The following EFCAB11 variants were observed in gnomAD, a reference collection of about 807,000 sequenced individuals.
The protein encoded by EFCAB11 is EF-hand calcium binding domain 11.
In EFCAB11, 14 loss-of-function variants were observed where a neutral mutation model predicts 23.0. The ratio of observed to expected loss-of-function variants is 0.61; its 90% CI spans 0.40 to 0.95. The LOEUF (loss-of-function observed/expected upper bound fraction) is 0.95. Ranked by LOEUF, EFCAB11 falls within the 40% of genes least tolerant of loss-of-function variation. The probability of loss-of-function intolerance (pLI) is 0.00; values close to 1 mark genes in which losing one functional copy is unlikely to be tolerated. For missense variants in EFCAB11, 198 were observed against 195.8 expected (o/e 1.01, Z -0.07); for synonymous variants, 65 against 66.6 (o/e 0.98, Z 0.11).
At chr14:89,806,535 CT>C (rs1337812436) in intron 5 of EFCAB11, among the ~76,000 whole-genome samples, 2 of 152,174 alleles carry the variant, frequency 1.3e-5, no homozygotes, top group Admixed American at 1.3e-4. Context: ...AAGTGAACAT[CT>C]TTGAACTAAT....
rs180730804 is a variant in EFCAB11 at position 89,917,835 on chromosome 14, A to G, written c.410+13706T>C. ...ACTCTCAGCTTTAACTGTAAAATGG[A>G]TAGAAATGCCGTTGATGTGGAGAGT... On this transcript the variant is annotated intron_variant, in intron 5 of 5. Transcript: ENST00000316738. 5.3e-5 allele frequency among the ~76,000 whole-genome samples: 8 copies of G among 152,372 alleles called. No individual in the cohort carries two copies. The East Asian group carries it at 1.5e-3, about 29-fold the overall frequency.
chr14:89,916,327 G>A (rs183857054), intron 5 of EFCAB11, among the ~76,000 whole-genome samples: 1 of 152,306 alleles, frequency 6.6e-6, no homozygotes, highest in East Asian at 1.9e-4. Context: ...CAATGTGAAA[G>A]AGACAGAAAA....
rs775604775 is a variant in EFCAB11, at chr14:89,931,562, C to G, written c.389G>C (p.Arg130Thr). 1 of 1,614,078 alleles carries G rather than the reference C, an allele frequency of 6.2e-7. No individual in the cohort carries two copies. The highest frequency in any genetic ancestry group is 1.7e-5 in the Admixed American group (1 of 60,018). The part of the protein sequence containing the change: ...FRQVAPKLPE[R>T]TVLEVFREVD... Reference sequence around the variant, plus strand: ...TTACCTGAATACCTCAAGAACAGTCCTTTCCGGTAATTTGGGAGCCACCTG... The same window carrying G: ...TTACCTGAATACCTCAAGAACAGTCGTTTCCGGTAATTTGGGAGCCACCTG... The change falls in exon 5 of 6, where the codon AGG becomes ACG. Residue 130 changes from arginine (R) to threonine (T), a missense_variant. Coordinates refer to ENST00000316738, the MANE Select transcript of EFCAB11 (RefSeq NM_145231.4).
chr14:89,813,606 A>G (rs996915088), intron 5 of EFCAB11, among the ~76,000 whole-genome samples: 2 of 152,022 alleles, frequency 1.3e-5, no homozygotes, highest in African/African-American at 4.8e-5. Context: ...TTGTTACTTC[A>G]GCCAGATCTC....
intron 5 of EFCAB11, among the ~76,000 whole-genome samples, chr14:89,893,660 G>T (rs1889058529): frequency 6.6e-6 from 1 of 151,846 alleles, no homozygotes; most frequent in African/African-American, 2.4e-5. Context: ...CTTCATTGAG[G>T]ACACTGTTGT....
rs1274710442 is a variant in EFCAB11 at position 89,954,414 on chromosome 14, C to T, written c.75+172G>A. Reference sequence around the variant, plus strand: ...ACTTGGAGGTAGCCGTAGTCCTGGACGGGGAGCCAGGAGCCCTGCAGCTCC... The same window carrying T: ...ACTTGGAGGTAGCCGTAGTCCTGGATGGGGAGCCAGGAGCCCTGCAGCTCC... On this transcript the variant is annotated intron_variant, in intron 1 of 5. Coordinates refer to ENST00000316738, the MANE Select transcript of EFCAB11 (RefSeq NM_145231.4). 8 of 1,536,492 alleles carry T rather than the reference C, an allele frequency of 5.2e-6. No homozygotes were observed. In the East Asian group the frequency reaches 1.7e-4, roughly 33 times the overall value.
intron 3 of EFCAB11, among the ~76,000 whole-genome samples, chr14:89,943,724 T>C (rs992422664): frequency 1.3e-5 from 2 of 152,218 alleles, no homozygotes; most frequent in Admixed American, 1.3e-4. Context: ...ACAATTCTAA[T>C]AGAAAAATTG....
intron 3 of EFCAB11, among the ~76,000 whole-genome samples, chr14:89,934,620 C>T (rs186203019): frequency 3.3e-5 from 5 of 151,550 alleles, no homozygotes; most frequent in East Asian, 3.9e-4. Flanking sequence ...CTCAATCATA[C>T]GTACTGTAGC....
chr14:89,818,299 G>A (rs1886396652), intron 5 of EFCAB11, among the ~76,000 whole-genome samples: 1 of 152,136 alleles, frequency 6.6e-6, no homozygotes, highest in African/African-American at 2.4e-5. Context: ...AAAATAGCAA[G>A]TAAAGACAAG....
At chr14:89,858,656 ATT>A (rs10648464) in intron 5 of EFCAB11, among the ~76,000 whole-genome samples, 12 of 89,008 alleles carry the variant, frequency 1.3e-4, no homozygotes, top group African/African-American at 4.8e-4. Flanking sequence ...CACCCAGCTA[ATT>A]TTTTTTTTTT....
chr14:89,880,604 T>C (rs1284396703), intron 5 of EFCAB11, among the ~76,000 whole-genome samples: 1 of 151,970 alleles, frequency 6.6e-6, no homozygotes, highest in African/African-American at 2.4e-5. Context: ...AGTTGAAAAA[T>C]AATGAAATCG....
chr14:89,869,757 T>G (rs954662180), intron 5 of EFCAB11, among the ~76,000 whole-genome samples: 2 of 152,154 alleles, frequency 1.3e-5, no homozygotes, highest in African/African-American at 4.8e-5. Context: ...GTAAAAACCT[T>G]CAGAGAGTAT....
chr14:89,928,319 A>T (rs1329214054), intron 5 of EFCAB11, among the ~76,000 whole-genome samples: 1 of 152,144 alleles, frequency 6.6e-6, no homozygotes, highest in Admixed American at 6.5e-5. Context: ...ATTAATGGCA[A>T]ATAACTTTCT....
intron 5 of EFCAB11, among the ~76,000 whole-genome samples, chr14:89,885,044 AC>A (rs1888711074): frequency 6.6e-6 from 1 of 152,204 alleles, no homozygotes; most frequent in Non-Finnish European, 1.5e-5. Flanking sequence ...TGTTTAAGCC[AC>A]CCAGTCTATG....
intron 5 of EFCAB11, among the ~76,000 whole-genome samples, chr14:89,842,616 TG>T (rs1471817278): frequency 9.4e-4 from 143 of 151,450 alleles, no homozygotes; most frequent in African/African-American, 3.3e-3. Context: ...TGATATGATA[TG>T]ATATGATATG....
At chr14:89,854,394 C>T (rs1190783506) in intron 5 of EFCAB11, among the ~76,000 whole-genome samples, 1 of 152,088 alleles carries the variant, frequency 6.6e-6, no homozygotes, top group East Asian at 1.9e-4. Flanking sequence ...AAGAGGCTGC[C>T]CATTGCTCCC....
intron 3 of EFCAB11, among the ~76,000 whole-genome samples, chr14:89,933,920 C>T (rs571608663): frequency 6.6e-6 from 1 of 152,296 alleles, no homozygotes; most frequent in East Asian, 1.9e-4. Context: ...GAGACAATAC[C>T]AACTGCCTAA....
chr14:89,925,251 T>A (rs55921830), intron 5 of EFCAB11, among the ~76,000 whole-genome samples: 28,665 of 152,078 alleles, frequency 0.19, 3,141 homozygotes, highest in South Asian at 0.32. Flanking sequence ...GGGACTGATG[T>A]AAGATGAGTT....
intron 3 of EFCAB11, among the ~76,000 whole-genome samples, chr14:89,943,699 T>C (rs118099552): frequency 0.017 from 2,541 of 152,324 alleles, 35 homozygotes; most frequent in Non-Finnish European, 0.02. Context: ...TGGTTTGAAA[T>C]TGGTTCAGTA....
Sources: gnomAD v4.1 joint callset for allele counts (sites outside exome capture counted in the v4.1 genomes callset) on GRCh38, gnomAD v4.1.1 for gene constraint, MANE v1.5 for transcripts, NCBI Gene and HGNC (gene_info 2026-07-23, HGNC 2026-07-21) for gene names.